The following GRIK2 variants were observed in gnomAD, a reference collection of about 807,000 sequenced individuals.
GRIK2 encodes glutamate receptor ionotropic, kainate 2.
In GRIK2, 32 loss-of-function variants were observed where a neutral mutation model predicts 100.3. The ratio of observed to expected loss-of-function variants is 0.32; its 90% CI spans 0.24 to 0.43. The LOEUF is 0.43. Ranked by LOEUF, GRIK2 falls within the 20% of genes least tolerant of loss-of-function variation. GRIK2 has a pLI of 1.00. For missense variants in GRIK2, 843 were observed against 1,114.9 expected (o/e 0.76, Z 3.47); for synonymous variants, 417 against 389.4 (o/e 1.07, Z -0.83).
intron 7 of GRIK2, among the ~76,000 whole-genome samples, chr6:101,797,652 ATT>A (rs1433385737): frequency 7.3e-6 from 1 of 136,942 alleles, no homozygotes; most frequent in African/African-American, 2.7e-5. Flanking sequence ...GTAAATATAT[ATT>A]ATGCTGTATT....
chr6:101,595,953 A>C (rs1778907961), intron 2 of GRIK2, among the ~76,000 whole-genome samples: 1 of 127,462 alleles, frequency 7.8e-6, no homozygotes, highest in Non-Finnish European at 1.6e-5. Context: ...TAATTCATTA[A>C]AATTTTTTTT....
chr6:101,776,373 G>C (rs1778747357), intron 7 of GRIK2, among the ~76,000 whole-genome samples: 1 of 152,154 alleles, frequency 6.6e-6, no homozygotes, highest in African/African-American at 2.4e-5. Context: ...GAGAGAGACA[G>C]ACATATGTAG....
intron 4 of GRIK2, among the ~76,000 whole-genome samples, chr6:101,628,830 TATC>T (rs1562271237): frequency 6.6e-6 from 1 of 152,150 alleles, no homozygotes; most frequent in African/African-American, 2.4e-5. Flanking sequence ...TTGTATTAAT[TATC>T]ATCCTTAAAC....
chr6:101,793,487 G>C (rs1195158604), intron 7 of GRIK2, among the ~76,000 whole-genome samples: 1 of 152,176 alleles, frequency 6.6e-6, no homozygotes, highest in Non-Finnish European at 1.5e-5. Context: ...GACCCTGTTT[G>C]CCTGGGTATC....
intron 14 of GRIK2, among the ~76,000 whole-genome samples, chr6:101,968,175 C>T (rs1426442245): frequency 1.3e-5 from 2 of 151,628 alleles, no homozygotes; most frequent in African/African-American, 4.8e-5. Flanking sequence ...ATAAACTGAA[C>T]ACATGATGAA....
chr6:101,452,346 T>TATG (rs1554201926), intron 2 of GRIK2, among the ~76,000 whole-genome samples: 3 of 151,878 alleles, frequency 2.0e-5, no homozygotes, highest in Non-Finnish European at 2.9e-5. Context: ...CTTGGCTGCA[T>TATG]ATGAAAATCA....
chr6:101,520,232 ACTTTTT>A (rs1412224032), intron 2 of GRIK2, among the ~76,000 whole-genome samples: 2 of 151,908 alleles, frequency 1.3e-5, no homozygotes, highest in African/African-American at 2.4e-5. Flanking sequence ...TTTTTTTCAA[ACTTTTT>A]CTTAAATGTA....
intron 10 of GRIK2, among the ~76,000 whole-genome samples, chr6:101,827,890 A>C (rs1048519739): frequency 8.6e-5 from 13 of 151,930 alleles, no homozygotes; most frequent in African/African-American, 2.9e-4. Flanking sequence ...CAGAAAACAA[A>C]GAAATTCTGC....
At chr6:101,800,400 A>G (rs1244447071) in intron 8 of GRIK2, among the ~76,000 whole-genome samples, 1 of 151,984 alleles carries the variant, frequency 6.6e-6, no homozygotes, top group African/African-American at 2.4e-5. Context: ...ATGCATATAT[A>G]TACAAATATG....
rs1039503639 is a variant in GRIK2, at chr6:102,038,092, A to G, written c.2311+2526A>G. ...TCTAATTTTTTAAACTAGTAAAAGAAGAGGATTGTATATCTCAGGTCCATT... is the reference window on the plus strand; with the variant it reads ...TCTAATTTTTTAAACTAGTAAAAGAGGAGGATTGTATATCTCAGGTCCATT... On this transcript the variant is annotated intron_variant, in intron 15 of 16. Coordinates refer to ENST00000369134, the MANE Select transcript of GRIK2 (RefSeq NM_021956.5). Among the ~76,000 whole-genome samples the G allele has an allele frequency of 6.6e-5, 10 of 151,560 alleles. No individual in the cohort carries two copies. In the South Asian group the frequency reaches 2.1e-3, roughly 31 times the overall value.
intron 7 of GRIK2, among the ~76,000 whole-genome samples, chr6:101,772,445 T>A (rs1372250144): frequency 6.6e-6 from 1 of 152,154 alleles, no homozygotes; most frequent in Non-Finnish European, 1.5e-5. Context: ...ACTGAGTTAC[T>A]AGGACCATAC....
At position 101,956,559 on chromosome 6, in the gene GRIK2, G is replaced by A. The variant is rs531211371; in HGVS notation, c.2085+27927G>A. Among the ~76,000 whole-genome samples, 20 of 151,468 alleles carry A rather than the reference G, an allele frequency of 1.3e-4. No individual in the cohort carries two copies. The South Asian group carries it at 1.5e-3, about 11-fold the overall frequency. ...CAACCTCCTACCTTTTCATAGCTCC[G>A]GTGTCTATTATTACCCTGTCTATGT... On this transcript the variant is annotated intron_variant, in intron 14 of 16. Transcript: ENST00000369134.
chr6:101,750,928 A>G (rs1776747618), intron 7 of GRIK2, among the ~76,000 whole-genome samples: 1 of 152,228 alleles, frequency 6.6e-6, no homozygotes, highest in Admixed American at 6.5e-5. Context: ...AAATACTGCC[A>G]GTTAATTTGT....
Position 102,031,076 on chromosome 6 carries a change from TACACACACACACACACACAC to T in GRIK2, c.2086-4232_2086-4213del, listed in dbSNP as rs55900001. On this transcript the variant is annotated intron_variant, in intron 14 of 16. Transcript: ENST00000369134. The stretch of plus-strand genomic sequence containing the variant: ...TCAATAATTACCAAGTATTATGCAT[TACACACACACACACACACAC>T]ACACACACACACACACACACACACA... Among the ~76,000 whole-genome samples the T allele has an allele frequency of 3.5e-3, 419 of 118,406 alleles. 2 individuals carry two copies. The highest frequency in any genetic ancestry group is 0.011 in the African/African-American group (372 of 33,866). The allele number at this position is 118,406 out of a possible 152,430, so 77.7% of individuals were successfully genotyped here. A position where few individuals can be genotyped will look rare whatever the true frequency, so the allele number is the denominator to read the frequency against.
chr6:101,878,290 TAA>T (rs1786005907), intron 11 of GRIK2, among the ~76,000 whole-genome samples: 1 of 150,980 alleles, frequency 6.6e-6, no homozygotes, highest in African/African-American at 2.4e-5. Flanking sequence ...AACAAATAAG[TAA>T]AAGTTTGCAT....
chr6:101,562,017 T>C (rs1454123149), intron 2 of GRIK2, among the ~76,000 whole-genome samples: 1 of 152,130 alleles, frequency 6.6e-6, no homozygotes. Flanking sequence ...AAACATTACC[T>C]TGAATTAGTG....
chr6:102,044,537 C>T (rs953109807), intron 15 of GRIK2, among the ~76,000 whole-genome samples: 1 of 151,856 alleles, frequency 6.6e-6, no homozygotes, highest in Non-Finnish European at 1.5e-5. Flanking sequence ...AATGCAAAAG[C>T]AGAAACTCTT....
At chr6:101,487,209 TA>T (rs1224572273) in intron 2 of GRIK2, among the ~76,000 whole-genome samples, 1 of 146,710 alleles carries the variant, frequency 6.8e-6, no homozygotes, top group Non-Finnish European at 1.5e-5. Flanking sequence ...TATTGTTTAA[TA>T]ATGTTTTTGC....
At chr6:101,948,432 A>C (rs1051828796) in intron 14 of GRIK2, among the ~76,000 whole-genome samples, 3 of 132,882 alleles carry the variant, frequency 2.3e-5, no homozygotes, top group Non-Finnish European at 4.7e-5. Context: ...ACGTGTGATC[A>C]GTTCCTTAAC....
Sources: allele counts gnomAD v4.1 joint callset (sites outside exome capture counted in the v4.1 genomes callset), GRCh38; gene constraint gnomAD v4.1.1; transcripts MANE v1.5; gene names NCBI Gene and HGNC (gene_info 2026-07-23, HGNC 2026-07-21).